The following ZMYM2 variants were observed in gnomAD, a reference collection of about 807,000 sequenced individuals.
ZMYM2 encodes zinc finger MYM-type containing 2.
A neutral mutation model predicts 162.8 loss-of-function variants in ZMYM2; 56 were observed. That is an observed-to-expected ratio of 0.34 (90% CI 0.28 to 0.43). The LOEUF is 0.43. ZMYM2 is among the 20% of genes least tolerant of loss of function. The pLI is 1.00. For missense variants in ZMYM2, 1,275 were observed against 1,621.8 expected, an observed-to-expected ratio of 0.79 and a Z score of 3.67; for synonymous variants, 510 against 541.6, an observed-to-expected ratio of 0.94 and a Z score of 0.81.
At chr13:20,045,764 G>A (rs1317084445) in intron 12 of ZMYM2, among the ~76,000 whole-genome samples, 1 of 144,810 alleles carries the variant, frequency 6.9e-6, no homozygotes, top group Non-Finnish European at 1.6e-5. Context: ...GTTACCATGT[G>A]ATGATGATTT....
intron 9 of ZMYM2, among the ~76,000 whole-genome samples, chr13:20,029,641 A>G (rs1176168484): frequency 6.6e-6 from 1 of 152,182 alleles, no homozygotes; most frequent in East Asian, 1.9e-4. Flanking sequence ...TTGAATGGCT[A>G]ATTTTTATTA....
the ZMYM2 span, among the ~76,000 whole-genome samples, chr13:19,949,669 A>G: frequency 6.6e-6 from 1 of 151,722 alleles, no homozygotes; most frequent in African/African-American, 2.4e-5. Flanking sequence ...CGGGCAGATC[A>G]TGAGATCAGG....
chr13:20,070,671 C>T lies in ZMYM2; in HGVS notation c.3453+3281C>T, dbSNP rs532682064. 3.8e-3 allele frequency: 573 copies of T among 152,266 alleles called. 2 individuals carry two copies. The highest frequency in any genetic ancestry group is 0.01 in the Middle Eastern group (3 of 296). The allele number at this position is 152,266 out of a possible 1,614,324, so 9.4% of individuals were successfully genotyped here. A position where few individuals can be genotyped will look rare whatever the true frequency, so the allele number is the denominator to read the frequency against. The stretch of plus-strand genomic sequence containing the variant: ...GACTACAGGTGCACACCACCACGCC[C>T]GGCTAATTTTTTATATTTTAGTAGA... On this transcript the variant is annotated intron_variant, in intron 21 of 24. Coordinates refer to ENST00000610343, the MANE Select transcript of ZMYM2 (RefSeq NM_197968.4).
chr13:19,983,921 C>T (rs1948936965), intron 2 of ZMYM2, among the ~76,000 whole-genome samples: 1 of 152,164 alleles, frequency 6.6e-6, no homozygotes, highest in African/African-American at 2.4e-5. Flanking sequence ...AGCCACTGTG[C>T]CTGGCCAGGA....
the ZMYM2 span, among the ~76,000 whole-genome samples, chr13:19,923,352 G>A: frequency 1.7e-5 from 1 of 59,076 alleles, no homozygotes; most frequent in African/African-American, 7.2e-5. Flanking sequence ...GCGAGACTCC[G>A]TCGCAAAAAA....
At chr13:19,952,481 A>G in the ZMYM2 span, among the ~76,000 whole-genome samples, 1 of 152,232 alleles carries the variant, frequency 6.6e-6, no homozygotes, top group Non-Finnish European at 1.5e-5. Context: ...ATTTCAAAAC[A>G]TCATGTTGTA....
Position 20,013,656 on chromosome 13 carries a change from T to C in ZMYM2, c.1513-5891T>C, listed in dbSNP as rs190033322. Among the ~76,000 whole-genome samples the C allele has an allele frequency of 3.3e-4, 51 of 152,330 alleles. No homozygotes were observed. In the East Asian group the frequency reaches 9.2e-3, roughly 28 times the overall value. ...TTAATCATAAAAAGGTGTTGAATTT[T>C]TCAAATGCTTTTTCTACATCCTTTG... On this transcript the variant is annotated intron_variant, in intron 6 of 24. Coordinates refer to ENST00000610343, the MANE Select transcript of ZMYM2 (RefSeq NM_197968.4).
intron 2 of ZMYM2, among the ~76,000 whole-genome samples, chr13:19,968,443 G>A (rs1566175579): frequency 6.6e-6 from 1 of 152,140 alleles, no homozygotes; most frequent in Non-Finnish European, 1.5e-5. Flanking sequence ...TGTATTTTTA[G>A]TAGAAATGGG....
At position 20,085,887 on chromosome 13, in the gene ZMYM2, A is replaced by G. The variant is rs1489850492; in HGVS notation, c.4007A>G (p.Asp1336Gly). 1.2e-6 allele frequency: 2 copies of G among 1,613,762 alleles called. No individual in the cohort carries two copies. The highest frequency in any genetic ancestry group is 4.5e-5 in the East Asian group (2 of 44,870). ...CAACCAGAATGCTCTAGTTCTACAG[A>G]TAGCCCTGTCTGGTATACGTCTACT... ...YLQPECSSST[D>G]SPVWYTSTSL... Residue 1336 changes from aspartate to glycine, a missense_variant, in exon 25 of 25, where the codon GAT (aspartate) becomes GGT (glycine). Physicochemically the swap from Asp to Gly is moderately conservative, Grantham distance 94. Coordinates refer to ENST00000610343, the MANE Select transcript of ZMYM2 (RefSeq NM_197968.4).
At chr13:19,897,416 G>C in the ZMYM2 span, among the ~76,000 whole-genome samples, 1 of 152,074 alleles carries the variant, frequency 6.6e-6, no homozygotes, top group Non-Finnish European at 1.5e-5. Flanking sequence ...TTGATATAAG[G>C]ACATGCAGAG....
the ZMYM2 span, among the ~76,000 whole-genome samples, chr13:19,932,672 G>A: frequency 6.6e-6 from 1 of 151,808 alleles, no homozygotes; most frequent in East Asian, 1.9e-4. Flanking sequence ...AGACACCAGA[G>A]AGCTTGCTCA....
rs1555334894 is a variant in ZMYM2, at chr13:20,086,771, G to GTGTGTA, written c.*758_*759insGTGTAT. ...TATATATATGTATGTATGTGTGTGT[G>GTGTGTA]TATATATATATATATATATATATAT... On this transcript the variant is annotated 3_prime_UTR_variant, in exon 25 of 25. Transcript: ENST00000610343. 1 of 133,794 alleles carries GTGTGTA rather than the reference G, an allele frequency of 7.5e-6. No individual in the cohort carries two copies. Among genetic ancestry groups the GTGTGTA allele is most frequent in the Non-Finnish European group, 1.6e-5 (1 of 62,578 alleles). The allele number at this position is 133,794 out of a possible 1,614,324, so 8.3% of individuals were successfully genotyped here.
At chr13:20,073,636 T>A (rs1247264464) in intron 21 of ZMYM2, among the ~76,000 whole-genome samples, 2 of 152,246 alleles carry the variant, frequency 1.3e-5, no homozygotes, top group African/African-American at 2.4e-5. Context: ...CTAGTTTACT[T>A]ACATCACGAA....
chr13:19,962,515 ATT>A (rs1166788980), intron 2 of ZMYM2, among the ~76,000 whole-genome samples: 128 of 38,866 alleles, frequency 3.3e-3, no homozygotes, highest in African/African-American at 7.6e-3. Flanking sequence ...ATATATATAT[ATT>A]TTTTTTTTTT....
the ZMYM2 span, among the ~76,000 whole-genome samples, chr13:19,895,114 TA>T: frequency 6.7e-6 from 1 of 148,874 alleles, no homozygotes; most frequent in Non-Finnish European, 1.5e-5. Context: ...TAACATATTC[TA>T]AAAATAGGGG....
At chr13:20,053,231 A>G (rs982613653) in intron 14 of ZMYM2, among the ~76,000 whole-genome samples, 2 of 152,200 alleles carry the variant, frequency 1.3e-5, no homozygotes, top group South Asian at 4.1e-4. Flanking sequence ...TATTGGCAAT[A>G]AAGTCTCTGG....
At chr13:19,940,764 A>G in the ZMYM2 span, among the ~76,000 whole-genome samples, 1 of 152,214 alleles carries the variant, frequency 6.6e-6, no homozygotes, top group East Asian at 1.9e-4. Context: ...ATATTTTTCT[A>G]AGGAAATGCT....
chr13:20,020,126 A>G (rs1951947671), intron 7 of ZMYM2, among the ~76,000 whole-genome samples: 1 of 152,212 alleles, frequency 6.6e-6, no homozygotes, highest in Admixed American at 6.5e-5. Flanking sequence ...AGGTTAGTCA[A>G]TAGAGCGTAT....
chr13:19,967,647 A>G (rs962836813), intron 2 of ZMYM2, among the ~76,000 whole-genome samples: 3 of 152,244 alleles, frequency 2.0e-5, no homozygotes, highest in African/African-American at 7.2e-5. Context: ...AGTATTTACC[A>G]GTTTGCGATA....
Sources: gnomAD v4.1 joint callset for allele counts (sites outside exome capture counted in the v4.1 genomes callset) on GRCh38, gnomAD v4.1.1 for gene constraint, MANE v1.5 for transcripts, NCBI Gene and HGNC (gene_info 2026-07-23, HGNC 2026-07-21) for gene names.